EYA4: variants seen among roughly 807,000 people sequenced by gnomAD.
The protein encoded by EYA4 is protein phosphatase EYA4.
A neutral mutation model predicts 87.9 loss-of-function variants in EYA4; 31 were observed. The observed-to-expected ratio is 0.35, with a 90% CI of 0.27 to 0.48. EYA4 has a LOEUF of 0.48. Among genes scored for constraint, EYA4 ranks in the 20% least tolerant of loss-of-function variants. EYA4 has a pLI of 0.99. For missense variants in EYA4, 678 were observed against 761.4 expected (o/e 0.89, Z 1.29); for synonymous variants, 263 against 270.6 (o/e 0.97, Z 0.28).
intron 2 of EYA4, among the ~76,000 whole-genome samples, chr6:133,294,062 T>TATATATATATATATATATATATATATAA (rs71003632): frequency 9.5e-6 from 1 of 105,162 alleles, no homozygotes; most frequent in Non-Finnish European, 2.1e-5. Flanking sequence ...TATATATATA[T>TATATATATATATATATATATATATATAA]AATTCTATTC....
rs913485597 is a variant in EYA4 at position 133,491,062 on chromosome 6, A to G, written c.1191+7947A>G. On this transcript the variant is annotated intron_variant, in intron 13 of 19. Coordinates refer to ENST00000355286, the MANE Select transcript of EYA4 (RefSeq NM_004100.5). ...AAATCAATAATGAGGAATTTTGGAA[A>G]CTGTGCAAGCACATGGAAACTAAAC... Among the ~76,000 whole-genome samples the G allele has an allele frequency of 5.9e-5, 9 of 152,222 alleles. No individual in the cohort carries two copies. The South Asian group carries it at 1.9e-3, about 32-fold the overall frequency.
Position 133,475,294 on chromosome 6 carries a change from T to G in EYA4, c.971-6169T>G, listed in dbSNP as rs552418212. Among the ~76,000 whole-genome samples, 30 of 152,234 alleles carry G rather than the reference T, an allele frequency of 2.0e-4. 1 individual carries two copies. In the South Asian group the frequency reaches 5.8e-3, roughly 29 times the overall value. ...ATTTTTTATTTGTATTAAGAAAGTTTGAGGACAGATTTGCACATGAAGATG... is the reference window on the plus strand; with the variant it reads ...ATTTTTTATTTGTATTAAGAAAGTTGGAGGACAGATTTGCACATGAAGATG... On this transcript the variant is annotated intron_variant, in intron 11 of 19. Coordinates refer to ENST00000355286, the MANE Select transcript of EYA4 (RefSeq NM_004100.5).
At chr6:133,278,453 G>A (rs941550728) in intron 2 of EYA4, among the ~76,000 whole-genome samples, 14 of 152,092 alleles carry the variant, frequency 9.2e-5, no homozygotes, top group African/African-American at 3.4e-4. Context: ...AGTAATGGTG[G>A]ATCTCGTTCA....
At chr6:133,406,208 C>A (rs1788697604) in intron 3 of EYA4, among the ~76,000 whole-genome samples, 1 of 152,156 alleles carries the variant, frequency 6.6e-6, no homozygotes, top group African/African-American at 2.4e-5. Context: ...AAAGTAAAAT[C>A]TATTAGATAT....
Position 133,468,696 on chromosome 6 carries a change from T to G in EYA4, c.935T>G (p.Leu312Trp). The G allele has an allele frequency of 6.2e-7, 1 of 1,613,118 alleles. No homozygotes were observed. The highest frequency in any genetic ancestry group is 1.7e-4 in the Middle Eastern group (1 of 6,056). The change falls in exon 11 of 20, where the codon TTG becomes TGG. Residue 312 changes from leucine to tryptophan, a missense_variant. Coordinates refer to ENST00000355286, the MANE Select transcript of EYA4 (RefSeq NM_004100.5). ...CCCTCTTCAACCTCTACTTATCAGT[T>G]GCAGGAATCTCTCCCAGGACTGACT... ...GTPSSTSTYQ[L>W]QESLPGLTNQ...
intron 13 of EYA4, among the ~76,000 whole-genome samples, chr6:133,501,296 T>G (rs973852868): frequency 2.0e-5 from 3 of 152,074 alleles, no homozygotes; most frequent in Non-Finnish European, 4.4e-5. Flanking sequence ...TTCTTGTCTG[T>G]TTATCAGATA....
intron 3 of EYA4, among the ~76,000 whole-genome samples, chr6:133,394,283 TG>T (rs1177942227): frequency 0.15 from 2,941 of 19,562 alleles, 255 homozygotes; most frequent in Non-Finnish European, 0.43. Flanking sequence ...TATAAGCTTG[TG>T]TTTTTTTTTT....
At chr6:133,304,595 G>A (rs1779666505) in intron 2 of EYA4, among the ~76,000 whole-genome samples, 1 of 152,168 alleles carries the variant, frequency 6.6e-6, no homozygotes, top group Non-Finnish European at 1.5e-5. Context: ...GGAGGGTTAT[G>A]TGTATCATGG....
chr6:133,474,727 G>A (rs1260473413), intron 11 of EYA4, among the ~76,000 whole-genome samples: 1 of 152,102 alleles, frequency 6.6e-6, no homozygotes, highest in Non-Finnish European at 1.5e-5. Flanking sequence ...CGGCCAAAAA[G>A]CAAACAAGTT....
chr6:133,345,086 A>C (rs533947178), intron 2 of EYA4, among the ~76,000 whole-genome samples: 3 of 152,254 alleles, frequency 2.0e-5, no homozygotes, highest in Admixed American at 6.5e-5. Context: ...AACTTTCAAC[A>C]TGCTGTTTTC....
intron 2 of EYA4, among the ~76,000 whole-genome samples, chr6:133,286,201 C>T (rs918065862): frequency 5.9e-5 from 9 of 152,146 alleles, no homozygotes; most frequent in Non-Finnish European, 1.0e-4. Context: ...ATGAAGAACG[C>T]TGGATTGCTA....
chr6:133,299,881 A>G (rs1174010958), intron 2 of EYA4, among the ~76,000 whole-genome samples: 6 of 150,972 alleles, frequency 4.0e-5, no homozygotes, highest in Non-Finnish European at 8.8e-5. Flanking sequence ...CTTTATATAT[A>G]TACACACACA....
chr6:133,337,499 G>C (rs1782459376), intron 2 of EYA4, among the ~76,000 whole-genome samples: 2 of 152,088 alleles, frequency 1.3e-5, no homozygotes, highest in Admixed American at 1.3e-4. Flanking sequence ...GGGCAAGTTT[G>C]GGAAGAAAGA....
Position 133,530,830 on chromosome 6 carries a change from C to A in EYA4, c.*2025C>A. The stretch of plus-strand genomic sequence containing the variant: ...TTCCAGGCAAATTAAAGTTGGAATA[C>A]CTTTAATAATATAAAAATAATGATA... On this transcript the variant is annotated 3_prime_UTR_variant, in exon 20 of 20. Coordinates refer to ENST00000355286, the MANE Select transcript of EYA4 (RefSeq NM_004100.5). 1 of 992,218 alleles carries A rather than the reference C, an allele frequency of 1.0e-6. No individual in the cohort carries two copies. Among genetic ancestry groups the A allele is most frequent in the Non-Finnish European group, 1.2e-6 (1 of 832,438 alleles). The allele number at this position is 992,218 out of a possible 1,614,324, so 61.5% of individuals were successfully genotyped here. A position where few individuals can be genotyped will look rare whatever the true frequency, so the allele number is the denominator to read the frequency against.
intron 2 of EYA4, among the ~76,000 whole-genome samples, chr6:133,343,281 A>G (rs1381610193): frequency 6.6e-6 from 1 of 152,206 alleles, no homozygotes; most frequent in African/African-American, 2.4e-5. Flanking sequence ...ATTTACCAGG[A>G]TGACCCTGTG....
Position 133,530,938 on chromosome 6 carries a change from A to G in EYA4, c.*2133A>G, listed in dbSNP as rs1022712672. 2 of 1,190,734 alleles carry G rather than the reference A, an allele frequency of 1.7e-6. No individual in the cohort carries two copies. Among genetic ancestry groups the G allele is most frequent in the Admixed American group, 4.1e-5 (1 of 24,404 alleles). 73.8% of individuals were successfully genotyped at this position (1,190,734 alleles called of 1,614,324 possible). ...ATGTTGCCTTGATTATCAGTACTTA[A>G]TTATGTTGTGCACTAAAACCTTAAA... On this transcript the variant is annotated 3_prime_UTR_variant, in exon 20 of 20. Coordinates refer to ENST00000355286, the MANE Select transcript of EYA4 (RefSeq NM_004100.5).
intron 3 of EYA4, among the ~76,000 whole-genome samples, chr6:133,398,946 G>T (rs1196867063): frequency 1.3e-5 from 2 of 152,208 alleles, no homozygotes; most frequent in African/African-American, 4.8e-5. Context: ...TAATCATAAA[G>T]TATGTGGACA....
chr6:133,273,533 C>A (rs1350064779), intron 1 of EYA4, among the ~76,000 whole-genome samples: 1 of 152,144 alleles, frequency 6.6e-6, no homozygotes, highest in Non-Finnish European at 1.5e-5. Flanking sequence ...TTGTAATACT[C>A]TTTTCCATTT....
chr6:133,402,372 T>G (rs183747553), intron 3 of EYA4, among the ~76,000 whole-genome samples: 3 of 152,334 alleles, frequency 2.0e-5, no homozygotes, highest in Admixed American at 2.0e-4. Flanking sequence ...ATCTTTATTC[T>G]CTAAGTAGTT....
Sources: allele counts gnomAD v4.1 joint callset (sites outside exome capture counted in the v4.1 genomes callset), GRCh38; gene constraint gnomAD v4.1.1; transcripts MANE v1.5; gene names NCBI Gene and HGNC (gene_info 2026-07-23, HGNC 2026-07-21).